Variants in CEBPZ observed in about 807,000 individuals in gnomAD.
The protein encoded by CEBPZ is CCAAT/enhancer-binding protein zeta.
Under a neutral mutation model 104.5 loss-of-function variants are expected in CEBPZ, and 78 were observed. The observed-to-expected ratio is 0.75, with a 90% CI of 0.62 to 0.90. The LOEUF is 0.90. Ranked by LOEUF, CEBPZ falls within the 40% of genes least tolerant of loss-of-function variation. CEBPZ has a pLI of 0.00. For missense variants in CEBPZ, 1,439 were observed against 1,233.5 expected (o/e 1.17, Z -2.50); for synonymous variants, 470 against 427.0 (o/e 1.10, Z -1.24).
At chr2:37,223,855 C>A (rs2148360258) in intron 2 of CEBPZ, among the ~76,000 whole-genome samples, 1 of 152,294 alleles carries the variant, frequency 6.6e-6, no homozygotes, top group East Asian at 1.9e-4. Flanking sequence ...TTAGTGAAGA[C>A]CATCGATGAA....
At chr2:37,221,205 A>G (rs960854049) in intron 4 of CEBPZ, among the ~76,000 whole-genome samples, 3 of 151,916 alleles carry the variant, frequency 2.0e-5, no homozygotes, top group East Asian at 3.9e-4. Context: ...AGTCCCGGCT[A>G]CCTGGGAGGC....
Position 37,202,880 on chromosome 2 carries a change from C to A in CEBPZ, c.2944-15G>T. ...AGATGGCCAAACTTTTAAACAAAAA[C>A]GATAAATTTATTAGAAAACTAAAAA... On this transcript the variant is annotated splice_polypyrimidine_tract_variant and intron_variant, in intron 14 of 15. Transcript: ENST00000234170. 1 of 1,593,800 alleles carries A rather than the reference C, an allele frequency of 6.3e-7. No individual in the cohort carries two copies. Among genetic ancestry groups the A allele is most frequent in the Non-Finnish European group, 8.5e-7 (1 of 1,169,934 alleles).
rs752477956 is a variant in CEBPZ at position 37,228,738 on chromosome 2, T to C, written c.455A>G (p.Asn152Ser). Residue 152 changes from asparagine (N) to serine (S), a missense_variant, in exon 2 of 16, where the codon AAT becomes AGT. Asn to Ser is a conservative substitution (Grantham distance 46). Coordinates refer to ENST00000234170, the MANE Select transcript of CEBPZ (RefSeq NM_005760.3). ...KNRPEPHSDE[N>S]GSTTPKVKKD... Reference sequence around the variant, plus strand: ...CTTTACTTTCGGTGTGGTACTGCCATTCTCATCAGAATGTGGTTCTGGCCT... The same window carrying C: ...CTTTACTTTCGGTGTGGTACTGCCACTCTCATCAGAATGTGGTTCTGGCCT... The C allele has an allele frequency of 1.2e-6, 2 of 1,614,228 alleles. No individual in the cohort carries two copies. The highest frequency in any genetic ancestry group is 1.1e-5 in the South Asian group (1 of 91,088).
At chr2:37,218,814 G>C (rs1013143655) in intron 5 of CEBPZ, among the ~76,000 whole-genome samples, 2 of 152,214 alleles carry the variant, frequency 1.3e-5, no homozygotes, top group Non-Finnish European at 2.9e-5. Context: ...AGAGGTTGCA[G>C]TGAGCCGAGA....
At chr2:37,226,577 A>G (rs961324783) in intron 2 of CEBPZ, among the ~76,000 whole-genome samples, 1 of 152,220 alleles carries the variant, frequency 6.6e-6, no homozygotes, top group African/African-American at 2.4e-5. Flanking sequence ...CTTAAGCATG[A>G]TAACATGGGA....
chr2:37,210,993 T>C lies in CEBPZ; in HGVS notation c.2884+6A>G, dbSNP rs748864469. On this transcript the variant is annotated splice_donor_region_variant and intron_variant, in intron 13 of 15. Transcript: ENST00000234170. ...CTTTTAAAAGATATTAAATGTATTT[T>C]CTTACCTTGAAATGAGCCAGCAAAG... is the stretch of plus-strand genomic sequence containing the variant. 6 of 1,598,150 alleles carry C rather than the reference T, an allele frequency of 3.8e-6. No homozygotes were observed. The highest frequency in any genetic ancestry group is 1.7e-6 in the Non-Finnish European group (2 of 1,169,044).
intron 2 of CEBPZ, among the ~76,000 whole-genome samples, chr2:37,225,219 T>C (rs1664855566): frequency 6.6e-6 from 1 of 152,234 alleles, no homozygotes; most frequent in Non-Finnish European, 1.5e-5. Context: ...ATCAGTGCTA[T>C]GAAATGTCAT....
At chr2:37,202,655 A>G (rs1306127323) in intron 15 of CEBPZ, 129 bp downstream of exon 15, 519 of 39,956 alleles carry the variant, frequency 0.013, 76 homozygotes, top group African/African-American at 0.11. Flanking sequence ...AAAAAAAAAA[A>G]AAAAAAAAAA....
chr2:37,215,261 G>T (rs1049141770), intron 8 of CEBPZ: 1 of 208,162 alleles, frequency 4.8e-6, no homozygotes, highest in African/African-American at 2.3e-5. Flanking sequence ...ACTTTCAAGA[G>T]AAATAAAAAA....
At position 37,231,506 on chromosome 2, in the gene CEBPZ, G is replaced by C; in HGVS notation, c.62C>G (p.Ala21Gly). The change falls in exon 1 of 16, where the codon GCA becomes GGA. Residue 21 changes from alanine (A) to glycine (G), a missense_variant. Transcript: ENST00000234170. ...ATCCTCCTCGTCCGGATCTTCTACT[G>C]CCTCCTCGGGGCGCCAAGGCCGCTT... ...HAKRPWRPEE[A>G]VEDPDEEDED... is the part of the protein sequence containing the mutation. 1 of 1,614,214 alleles carries C rather than the reference G, an allele frequency of 6.2e-7. No homozygotes were observed. Among genetic ancestry groups the C allele is most frequent in the Non-Finnish European group, 8.5e-7 (1 of 1,180,040 alleles).
intron 5 of CEBPZ, among the ~76,000 whole-genome samples, chr2:37,218,929 T>G (rs954372306): frequency 7.9e-5 from 12 of 152,186 alleles, no homozygotes; most frequent in African/African-American, 2.9e-4. Context: ...ATGCAGTCCT[T>G]CCAAACACTG....
At chr2:37,211,103 C>A in intron 12 of CEBPZ, 21 bp from the exon 13 acceptor site, 1 of 1,544,674 alleles carries the variant, frequency 6.5e-7, no homozygotes, top group East Asian at 2.3e-5. Flanking sequence ...AAAAAATTTG[C>A]TAATAAGCAA....
intron 5 of CEBPZ, 55 bp downstream of exon 5, chr2:37,220,330 T>G (rs57004489): frequency 1.7e-5 from 6 of 351,238 alleles, no homozygotes; most frequent in Non-Finnish European, 2.8e-5. Flanking sequence ...AAAAAAAAAA[T>G]ATATATATAT....
chr2:37,211,344 A>C (rs1677715162), intron 12 of CEBPZ: 1 of 298,210 alleles, frequency 3.4e-6, no homozygotes. Flanking sequence ...AAACCCCTTA[A>C]AACAAGAAAC....
chr2:37,211,015 A>G lies in CEBPZ; in HGVS notation c.2868T>C (p.Phe956=). 1 of 1,610,782 alleles carries G rather than the reference A, an allele frequency of 6.2e-7. No homozygotes were observed. Among genetic ancestry groups the G allele is most frequent in the Non-Finnish European group, 8.5e-7 (1 of 1,178,438 alleles). Residue 956 remains phenylalanine (F), a synonymous_variant, in exon 13 of 16, where the codon TTT becomes TTC. Transcript: ENST00000234170. The stretch of plus-strand genomic sequence containing the variant: ...TTTTCTTACCTTGAAATGAGCCAGC[A>G]AAGTCAAAATCATCTGTACCTTTTC... ...SKRKGTDDFD[F]AGSFQGPRKK...
chr2:37,226,105 T>C (rs1037293346), intron 2 of CEBPZ, among the ~76,000 whole-genome samples: 1 of 152,016 alleles, frequency 6.6e-6, no homozygotes, highest in African/African-American at 2.4e-5. Flanking sequence ...CACCGACAGA[T>C]GATCAATAAA....
chr2:37,213,503 C>A lies in CEBPZ; in HGVS notation c.2545+361G>T, dbSNP rs575391156. The A allele has an allele frequency of 4.8e-5, 8 of 166,756 alleles. No individual in the cohort carries two copies. In the East Asian group the frequency reaches 1.5e-3, roughly 31 times the overall value. 10.3% of individuals were successfully genotyped at this position (166,756 alleles called of 1,614,324 possible). On this transcript the variant is annotated intron_variant, in intron 10 of 15. Transcript: ENST00000234170. ...CTTGGCTCACGGCAACCTCTGACTCCTGGATTCAAGCGATTCTCGTGCCTC... is the reference window on the plus strand; with the variant it reads ...CTTGGCTCACGGCAACCTCTGACTCATGGATTCAAGCGATTCTCGTGCCTC...
Position 37,228,220 on chromosome 2 carries a change from A to G in CEBPZ, c.973T>C (p.Ser325Pro), listed in dbSNP as rs1572510306. The part of the protein sequence containing the change: ...LEQLSSGNKD[S>P]RDRRLILWYF... ...CATAATATCAGTCTTCTATCTCTTGAGTCCTTGTTGCCACTGGACAACTGT... is the reference window on the plus strand; with the variant it reads ...CATAATATCAGTCTTCTATCTCTTGGGTCCTTGTTGCCACTGGACAACTGT... Residue 325 changes from serine to proline, a missense_variant, in exon 2 of 16, where the codon TCA (serine) becomes CCA (proline). By Grantham distance (74) the Ser-to-Pro change is moderately conservative. Coordinates refer to ENST00000234170, the MANE Select transcript of CEBPZ (RefSeq NM_005760.3). 1.9e-6 allele frequency: 3 copies of G among 1,614,226 alleles called. No individual in the cohort carries two copies. In the East Asian group the frequency reaches 6.7e-5, roughly 36 times the overall value.
intron 13 of CEBPZ, among the ~76,000 whole-genome samples, chr2:37,205,822 C>T (rs1312314942): frequency 6.6e-6 from 1 of 152,146 alleles, no homozygotes; most frequent in Non-Finnish European, 1.5e-5. Context: ...CCTTGTGTTA[C>T]ACTGTGAAGC....
Sources: gnomAD v4.1 joint callset for allele counts (sites outside exome capture counted in the v4.1 genomes callset) on GRCh38, gnomAD v4.1.1 for gene constraint, MANE v1.5 for transcripts, NCBI Gene and HGNC (gene_info 2026-07-23, HGNC 2026-07-21) for gene names.